CAMSAP1: variants seen among roughly 807,000 people sequenced by gnomAD.
The protein encoded by CAMSAP1 is calmodulin-regulated spectrin-associated protein 1.
Under a neutral mutation model 143.5 loss-of-function variants are expected in CAMSAP1, and 58 were observed. The ratio of observed to expected loss-of-function variants is 0.40; its 90% CI spans 0.33 to 0.50. The LOEUF is 0.50. Among genes scored for constraint, CAMSAP1 ranks in the 20% least tolerant of loss-of-function variants. The pLI, the probability that CAMSAP1 is intolerant of heterozygous loss-of-function variation, is 0.45. For missense variants in CAMSAP1, 1,969 were observed against 2,115.7 expected, an observed-to-expected ratio of 0.93 and a Z score of 1.36; for synonymous variants, 945 against 859.3, an observed-to-expected ratio of 1.10 and a Z score of -1.74.
intron 1 of CAMSAP1, among the ~76,000 whole-genome samples, chr9:135,895,048 C>T (rs1247798415): frequency 6.6e-6 from 1 of 152,032 alleles, no homozygotes; most frequent in Admixed American, 6.6e-5. Context: ...GAGAATCTAC[C>T]CAATCTGAAC....
chr9:135,850,515 G>T, intron 5 of CAMSAP1, 54 bp from the exon 6 acceptor site: 1 of 1,402,552 alleles, frequency 7.1e-7, no homozygotes, highest in Non-Finnish European at 9.6e-7. Flanking sequence ...TGCTTCGAGA[G>T]AGAGAGAAGC....
chr9:135,887,742 G>C (rs538359411), intron 1 of CAMSAP1, among the ~76,000 whole-genome samples: 1 of 152,198 alleles, frequency 6.6e-6, no homozygotes, highest in Admixed American at 6.5e-5. Flanking sequence ...TGGAGGAAGT[G>C]GGGAGAAGTG....
chr9:135,887,566 C>T (rs1052913357), intron 1 of CAMSAP1, among the ~76,000 whole-genome samples: 5 of 152,172 alleles, frequency 3.3e-5, no homozygotes, highest in Non-Finnish European at 7.3e-5. Context: ...AGAAAGGAGG[C>T]CCCTCGGGAG....
At chr9:135,815,267 A>C in intron 15 of CAMSAP1, 52 bp from the exon 16 acceptor site, 1 of 1,257,666 alleles carries the variant, frequency 8.0e-7, no homozygotes, top group East Asian at 2.4e-5. Context: ...GCACGAACAC[A>C]CACAAAAAAG....
At chr9:135,860,491 G>A (rs990124359) in intron 5 of CAMSAP1, among the ~76,000 whole-genome samples, 3 of 151,388 alleles carry the variant, frequency 2.0e-5, no homozygotes, top group South Asian at 2.1e-4. Flanking sequence ...CCAGCTACTC[G>A]GGAGGCTGAG....
At chr9:135,832,083 C>T (rs1162654003) in intron 7 of CAMSAP1, among the ~76,000 whole-genome samples, 3 of 152,124 alleles carry the variant, frequency 2.0e-5, no homozygotes, top group Non-Finnish European at 4.4e-5. Context: ...GACAGCATCA[C>T]CCTGATACCA....
chr9:135,818,737 G>T lies in CAMSAP1; in HGVS notation c.3960-121C>A. 1 of 1,252,006 alleles carries T rather than the reference G, an allele frequency of 8.0e-7. No individual in the cohort carries two copies. Among genetic ancestry groups the T allele is most frequent in the Non-Finnish European group, 1.1e-6 (1 of 918,888 alleles). The allele number at this position is 1,252,006 out of a possible 1,614,324, so 77.6% of individuals were successfully genotyped here. Reference sequence around the variant, plus strand: ...TCCCCGGCCGCTGGGACCAAGAGTGGCCAGCCTCCACAAGCGGGACACAGA... The same window carrying T: ...TCCCCGGCCGCTGGGACCAAGAGTGTCCAGCCTCCACAAGCGGGACACAGA... On this transcript the variant is annotated intron_variant, in intron 12 of 16. Transcript: ENST00000389532. This position sits in a 1 kb window ranked among gnomAD's most constrained non-coding sequence, Gnocchi z 7.7.
At chr9:135,900,521 G>A (rs1023888384) in intron 1 of CAMSAP1, among the ~76,000 whole-genome samples, 11 of 151,676 alleles carry the variant, frequency 7.3e-5, no homozygotes, top group Admixed American at 5.2e-4. Flanking sequence ...GTGAAACCCC[G>A]TCTCTATTAA....
At chr9:135,865,999 T>C (rs2130942430) in intron 4 of CAMSAP1, among the ~76,000 whole-genome samples, 1 of 152,310 alleles carries the variant, frequency 6.6e-6, no homozygotes, top group South Asian at 2.1e-4. Flanking sequence ...AGCCCAGCCA[T>C]CGTGCTACTT....
intron 7 of CAMSAP1, among the ~76,000 whole-genome samples, chr9:135,828,005 C>T (rs1194871804): frequency 6.6e-6 from 1 of 152,258 alleles, no homozygotes; most frequent in Non-Finnish European, 1.5e-5. Flanking sequence ...CCACCTCGCT[C>T]AGCCCAGCCA....
At chr9:135,893,059 C>T (rs921507018) in intron 1 of CAMSAP1, among the ~76,000 whole-genome samples, 3 of 151,020 alleles carry the variant, frequency 2.0e-5, no homozygotes, top group African/African-American at 7.3e-5. Flanking sequence ...AGTCCCTGCT[C>T]CTCAAGAAGC....
At chr9:135,906,725 A>G (rs1045953108) in intron 1 of CAMSAP1, among the ~76,000 whole-genome samples, 15 of 150,938 alleles carry the variant, frequency 9.9e-5, no homozygotes, top group African/African-American at 3.6e-4. Context: ...GCCGCCGCCA[A>G]CGGGAGGCTG....
chr9:135,848,414 G>A (rs1219437669), intron 7 of CAMSAP1, among the ~76,000 whole-genome samples: 1 of 152,100 alleles, frequency 6.6e-6, no homozygotes, highest in East Asian at 1.9e-4. Context: ...AAGCAAAATC[G>A]AGGTAACCAC....
rs1160075484 is a variant in CAMSAP1, at chr9:135,810,778, A to C, written c.*531T>G. On this transcript the variant is annotated 3_prime_UTR_variant, in exon 17 of 17. Coordinates refer to ENST00000389532, the MANE Select transcript of CAMSAP1 (RefSeq NM_015447.4). Reference sequence around the variant, plus strand: ...CCAATAAATATCATACAATTTCTCAAATGAAAAAGATTTCCCATTATGAAT... The same window carrying C: ...CCAATAAATATCATACAATTTCTCACATGAAAAAGATTTCCCATTATGAAT... 1 of 153,416 alleles carries C rather than the reference A, an allele frequency of 6.5e-6. No individual in the cohort carries two copies. Among genetic ancestry groups the C allele is most frequent in the African/African-American group, 2.4e-5 (1 of 41,460 alleles). The allele number at this position is 153,416 out of a possible 1,614,324, so 9.5% of individuals were successfully genotyped here. A position where few individuals can be genotyped will look rare whatever the true frequency, so the allele number is the denominator to read the frequency against.
chr9:135,870,323 C>T (rs1390990852), intron 3 of CAMSAP1, among the ~76,000 whole-genome samples: 1 of 152,162 alleles, frequency 6.6e-6, no homozygotes, highest in Non-Finnish European at 1.5e-5. Context: ...CTCACGCCTG[C>T]CTCCATGTAA....
intron 3 of CAMSAP1, among the ~76,000 whole-genome samples, chr9:135,869,053 A>T (rs545318076): frequency 1.8e-4 from 28 of 152,344 alleles, no homozygotes; most frequent in African/African-American, 6.7e-4. Context: ...GGTGGGTAAA[A>T]GGTCCAGGAA....
Position 135,862,570 on chromosome 9 carries a change from T to G in CAMSAP1, c.705A>C (p.Ser235=). 6.4e-7 allele frequency: 1 copy of G among 1,551,640 alleles called. No homozygotes were observed. Among genetic ancestry groups the G allele is most frequent in the Non-Finnish European group, 8.7e-7 (1 of 1,146,982 alleles). The change falls in exon 5 of 17, where the codon TCA becomes TCC. Residue 235 remains serine (S), a synonymous_variant. Coordinates refer to ENST00000389532, the MANE Select transcript of CAMSAP1 (RefSeq NM_015447.4). ...AATCCTCCAACAACGGGAAGTAGGG[T>G]GACTGCCTAGCAGAAAGGTGCTCTC... ...YRREHLSARQ[S]PYFPLLEDLM...
intron 5 of CAMSAP1, among the ~76,000 whole-genome samples, chr9:135,850,905 A>G (rs991100537): frequency 1.1e-4 from 16 of 152,248 alleles, no homozygotes; most frequent in African/African-American, 3.6e-4. Context: ...AGGCTCATCC[A>G]CGCCCACTCA....
At chr9:135,867,989 T>C (rs1362236152) in intron 3 of CAMSAP1, among the ~76,000 whole-genome samples, 1 of 152,078 alleles carries the variant, frequency 6.6e-6, no homozygotes, top group Admixed American at 6.6e-5. Context: ...AAGAACCCAG[T>C]CCCACCTCAT....
Sources: gnomAD v4.1 joint callset for allele counts (sites outside exome capture counted in the v4.1 genomes callset) on GRCh38, gnomAD v4.1.1 for gene constraint, Gnocchi (gnomAD v3.1) non-coding constraint, MANE v1.5 for transcripts, NCBI Gene and HGNC (gene_info 2026-07-23, HGNC 2026-07-21) for gene names.